NPAS3: variants seen among roughly 807,000 people sequenced by gnomAD.
NPAS3 encodes neuronal PAS domain protein 3, also known as neuronal PAS domain-containing protein 3.
In NPAS3, 14 loss-of-function variants were observed where a neutral mutation model predicts 73.1. That is an observed-to-expected ratio of 0.19 (90% CI 0.13 to 0.30). NPAS3 has a LOEUF of 0.30. NPAS3 is among the 10% of genes least tolerant of loss of function. NPAS3 has a pLI of 1.00. For missense variants in NPAS3, 1,096 were observed against 1,250.0 expected, an observed-to-expected ratio of 0.88 and a Z score of 1.86; for synonymous variants, 620 against 541.5, an observed-to-expected ratio of 1.14 and a Z score of -2.01.
chr14:33,687,027 A>G (rs973502660), intron 6 of NPAS3, among the ~76,000 whole-genome samples: 32 of 152,212 alleles, frequency 2.1e-4, no homozygotes, highest in African/African-American at 7.7e-4. Flanking sequence ...ATAGACCTTG[A>G]GAAGAAACAT....
At chr14:33,518,042 C>A (rs2053384542) in intron 4 of NPAS3, among the ~76,000 whole-genome samples, 1 of 152,080 alleles carries the variant, frequency 6.6e-6, no homozygotes, top group Non-Finnish European at 1.5e-5. Flanking sequence ...TGAAACAATT[C>A]TTGACTGACA....
In NPAS3 at chr14:33,202,428, C is replaced by T. The variant is rs80256635; in HGVS notation, c.141-12754C>T. On this transcript the variant is annotated intron_variant, in intron 2 of 11. Transcript: ENST00000356141. ...AAAAAAAAAAAGAGAGAAATGTTAC[C>T]GATATTTGTCATCCTGTTACATAAG... Among the ~76,000 whole-genome samples, 658 of 151,894 alleles carry T rather than the reference C, an allele frequency of 4.3e-3. 37 individuals carry two copies. The East Asian group carries it at 0.11, about 26-fold the overall frequency.
intron 4 of NPAS3, among the ~76,000 whole-genome samples, chr14:33,492,142 T>C (rs2051927859): frequency 6.6e-6 from 1 of 152,150 alleles, no homozygotes; most frequent in South Asian, 2.1e-4. Flanking sequence ...CTATGCTGCC[T>C]TCAATACAGA....
chr14:33,587,268 A>G (rs985620303), intron 5 of NPAS3, among the ~76,000 whole-genome samples: 1 of 152,154 alleles, frequency 6.6e-6, no homozygotes, highest in South Asian at 2.1e-4. Context: ...GTCATTGTGA[A>G]GGATAAATTT....
At chr14:33,199,047 C>G (rs148419228) in intron 2 of NPAS3, among the ~76,000 whole-genome samples, 1 of 152,238 alleles carries the variant, frequency 6.6e-6, no homozygotes, top group Non-Finnish European at 1.5e-5. Context: ...TGGGGCCCGC[C>G]GAGCCCACGC....
chr14:33,511,665 A>G (rs1020034430), intron 4 of NPAS3, among the ~76,000 whole-genome samples: 1 of 152,096 alleles, frequency 6.6e-6, no homozygotes, highest in African/African-American at 2.4e-5. Flanking sequence ...GCTCACTGGT[A>G]GGCAGTGAAC....
At chr14:33,005,839 G>A (rs568352837) in intron 1 of NPAS3, among the ~76,000 whole-genome samples, 1 of 152,206 alleles carries the variant, frequency 6.6e-6, no homozygotes, top group Non-Finnish European at 1.5e-5. Context: ...TTTGAACAAG[G>A]ATATTCTTTT....
chr14:33,675,096 T>G (rs1409143049), intron 5 of NPAS3, among the ~76,000 whole-genome samples: 1 of 152,118 alleles, frequency 6.6e-6, no homozygotes, highest in Non-Finnish European at 1.5e-5. Flanking sequence ...AGTCTGAAGC[T>G]CTGGCAGCTT....
chr14:32,965,755 A>T (rs1422485378), intron 1 of NPAS3, among the ~76,000 whole-genome samples: 1 of 152,224 alleles, frequency 6.6e-6, no homozygotes, highest in Non-Finnish European at 1.5e-5. Flanking sequence ...AATTGGAAAG[A>T]ATGAAGTCAG....
chr14:33,560,099 A>G (rs1467336915), intron 4 of NPAS3, 22 bp from the exon 5 acceptor site: 4 of 832,728 alleles, frequency 4.8e-6, no homozygotes, highest in African/African-American at 1.7e-5. Flanking sequence ...ATCTATTTAT[A>G]TATTTATTCT....
chr14:33,054,153 A>C lies in NPAS3; in HGVS notation c.51-1752A>C, dbSNP rs146304721. Among the ~76,000 whole-genome samples, 395 of 152,266 alleles carry C rather than the reference A, an allele frequency of 2.6e-3. 3 individuals are homozygous for C. Among genetic ancestry groups the C allele is most frequent in the African/African-American group, 8.4e-3 (347 of 41,550 alleles). ...ATTTGTCAGGTGGGCCTATTATTGA[A>C]TCTTTTAAACCTGGGCTTCATTTCA... On this transcript the variant is annotated intron_variant, in intron 1 of 11. Coordinates refer to ENST00000356141, the Ensembl canonical transcript of NPAS3.
At chr14:33,118,635 A>C (rs1195716161) in intron 2 of NPAS3, among the ~76,000 whole-genome samples, 1 of 152,152 alleles carries the variant, frequency 6.6e-6, no homozygotes, top group Non-Finnish European at 1.5e-5. Flanking sequence ...AAACAAATTC[A>C]TTAATTATCT....
chr14:33,148,731 G>C (rs909149122), intron 2 of NPAS3, among the ~76,000 whole-genome samples: 3 of 152,064 alleles, frequency 2.0e-5, no homozygotes, highest in Non-Finnish European at 1.5e-5. Flanking sequence ...GTGTCACTGA[G>C]GCTAGGTTAT....
At chr14:33,204,741 A>G (rs2046760200) in intron 2 of NPAS3, among the ~76,000 whole-genome samples, 2 of 152,116 alleles carry the variant, frequency 1.3e-5, no homozygotes, top group Non-Finnish European at 2.9e-5. Flanking sequence ...AACGGACTCA[A>G]TCGTCTGGTT....
chr14:33,710,518 G>C (rs1021695077), intron 6 of NPAS3, among the ~76,000 whole-genome samples: 1 of 152,142 alleles, frequency 6.6e-6, no homozygotes, highest in Admixed American at 6.5e-5. Flanking sequence ...AGCCGAGGCC[G>C]CATTCTTCTC....
upstream of NPAS3, among the ~76,000 whole-genome samples, chr14:32,937,405 T>C (rs1001464884): frequency 6.6e-6 from 1 of 152,132 alleles, no homozygotes; most frequent in Non-Finnish European, 1.5e-5. Flanking sequence ...CAAGCTTCTC[T>C]CATTTGTCAT....
chr14:33,213,146 C>G (rs1433921638), intron 2 of NPAS3, among the ~76,000 whole-genome samples: 2 of 152,134 alleles, frequency 1.3e-5, no homozygotes, highest in Non-Finnish European at 2.9e-5. Flanking sequence ...CCCATCAGGC[C>G]TCTTCACTCA....
intron 4 of NPAS3, among the ~76,000 whole-genome samples, chr14:33,379,310 C>G (rs1176051908): frequency 2.0e-5 from 3 of 151,684 alleles, no homozygotes; most frequent in Admixed American, 2.0e-4. Flanking sequence ...TGCTATTTTA[C>G]CAAGCTTTAT....
At chr14:33,492,759 A>T (rs2051965510) in intron 4 of NPAS3, among the ~76,000 whole-genome samples, 1 of 152,172 alleles carries the variant, frequency 6.6e-6, no homozygotes, top group Non-Finnish European at 1.5e-5. Flanking sequence ...GCTTACATCT[A>T]TTACTCACAC....
Sources: gnomAD v4.1 joint callset for allele counts (sites outside exome capture counted in the v4.1 genomes callset) on GRCh38, gnomAD v4.1.1 for gene constraint, MANE v1.5 for transcripts, NCBI Gene and HGNC (gene_info 2026-07-23, HGNC 2026-07-21) for gene names.